Variants in MTAP observed in about 807,000 individuals in gnomAD.
MTAP encodes the protein S-methyl-5'-thioadenosine phosphorylase.
In MTAP, 33 loss-of-function variants were observed where a neutral mutation model predicts 33.6. The ratio of observed to expected loss-of-function variants is 0.98; its 90% CI spans 0.74 to 1.31. MTAP has a LOEUF of 1.31. Among genes scored for constraint, MTAP ranks in the 40% most tolerant of loss-of-function variants. The probability of loss-of-function intolerance (pLI) is 0.00; values close to 1 mark genes in which losing one functional copy is unlikely to be tolerated. For synonymous variants in MTAP, 148 were observed against 125.7 expected, an observed-to-expected ratio of 1.18 and a Z score of -1.19; for missense variants, 367 against 360.0, an observed-to-expected ratio of 1.02 and a Z score of -0.16.
At chr9:21,847,687 G>A (rs543556884) in intron 5 of MTAP, among the ~76,000 whole-genome samples, 25 of 152,310 alleles carry the variant, frequency 1.6e-4, no homozygotes, top group African/African-American at 5.8e-4. Context: ...AGTGGACAAA[G>A]TGATGAAAGA....
At chr9:21,851,871 G>A (rs1327982691) in intron 5 of MTAP, among the ~76,000 whole-genome samples, 2 of 152,162 alleles carry the variant, frequency 1.3e-5, no homozygotes, top group Non-Finnish European at 1.5e-5. Context: ...CATGCTGGAT[G>A]CTTCCTGCCC....
intron 1 of MTAP, among the ~76,000 whole-genome samples, chr9:21,806,970 C>A (rs10965141): frequency 0.34 from 51,813 of 151,906 alleles, 9,718 homozygotes; most frequent in East Asian, 0.45. Flanking sequence ...TCAAGACCAG[C>A]CTGGGCAACA....
chr9:21,923,183 T>C (rs1818816379), intron 1 of MTAP, among the ~76,000 whole-genome samples: 1 of 152,240 alleles, frequency 6.6e-6, no homozygotes, highest in African/African-American at 2.4e-5. Context: ...CCCTTGCAGA[T>C]GTCCATTGGC....
rs116127301 is a variant in MTAP at position 21,839,796 on chromosome 9, T to G, written c.450+1786T>G. Among the ~76,000 whole-genome samples, 1,402 of 152,328 alleles carry G rather than the reference T, an allele frequency of 9.2e-3. 35 individuals are homozygous for G. The highest frequency in any genetic ancestry group is 0.032 in the African/African-American group (1,315 of 41,570). Reference sequence around the variant, plus strand: ...AGTGGCAAGCAAGATACTCAGTGGTTGTACCATATTCTACCATTTATGTTA... The same window carrying G: ...AGTGGCAAGCAAGATACTCAGTGGTGGTACCATATTCTACCATTTATGTTA... On this transcript the variant is annotated intron_variant, in intron 5 of 7. Coordinates refer to ENST00000644715, the MANE Select transcript of MTAP (RefSeq NM_002451.4).
intron 4 of MTAP, among the ~76,000 whole-genome samples, chr9:21,825,073 C>T (rs1319166730): frequency 6.6e-6 from 1 of 152,152 alleles, no homozygotes; most frequent in East Asian, 1.9e-4. Flanking sequence ...CCTCACCCTG[C>T]TTTGGCTCAC....
intron 1 of MTAP, among the ~76,000 whole-genome samples, chr9:21,896,419 A>G (rs796652641): frequency 3.3e-5 from 5 of 152,302 alleles, no homozygotes; most frequent in Admixed American, 1.3e-4. Flanking sequence ...GACACCAAAA[A>G]ACCCTTCAAG....
At chr9:21,903,961 T>C (rs1818432474) in intron 1 of MTAP, among the ~76,000 whole-genome samples, 1 of 152,216 alleles carries the variant, frequency 6.6e-6, no homozygotes. Flanking sequence ...TGCCTTGATG[T>C]ACTGGAAGAA....
chr9:21,817,828 C>G (rs1824523281), intron 3 of MTAP, among the ~76,000 whole-genome samples: 1 of 152,154 alleles, frequency 6.6e-6, no homozygotes, highest in Non-Finnish European at 1.5e-5. Context: ...CTGTCTGCCA[C>G]TCTACATATT....
intron 5 of MTAP, among the ~76,000 whole-genome samples, chr9:21,846,898 A>G (rs766556312): frequency 6.6e-6 from 1 of 152,224 alleles, no homozygotes; most frequent in Non-Finnish European, 1.5e-5. Flanking sequence ...TGTGATGGTT[A>G]ATACTGAGTG....
intron 1 of MTAP, among the ~76,000 whole-genome samples, chr9:21,896,138 G>C (rs1323720654): frequency 1.3e-5 from 2 of 152,170 alleles, no homozygotes; most frequent in East Asian, 1.9e-4. Flanking sequence ...CATGGAAACT[G>C]AACAACCTGC....
At chr9:21,848,854 C>G (rs1189369395) in intron 5 of MTAP, among the ~76,000 whole-genome samples, 1 of 152,130 alleles carries the variant, frequency 6.6e-6, no homozygotes, top group Non-Finnish European at 1.5e-5. Context: ...GATTCCAAGG[C>G]AGCAGGGGCC....
intron 4 of MTAP, among the ~76,000 whole-genome samples, chr9:21,824,513 TG>T (rs1398758068): frequency 6.6e-6 from 1 of 152,182 alleles, no homozygotes; most frequent in African/African-American, 2.4e-5. Flanking sequence ...TCTGCCCTAC[TG>T]GGGGGTGCCT....
chr9:21,845,284 A>G (rs1189392002), intron 5 of MTAP, among the ~76,000 whole-genome samples: 2 of 152,202 alleles, frequency 1.3e-5, no homozygotes, highest in Non-Finnish European at 2.9e-5. Flanking sequence ...AGAAAACCCT[A>G]AAGACTCATC....
chr9:21,837,153 A>G (rs533747823), intron 4 of MTAP, among the ~76,000 whole-genome samples: 29 of 152,284 alleles, frequency 1.9e-4, no homozygotes, highest in African/African-American at 6.5e-4. Flanking sequence ...CTGTTTTGTC[A>G]GAAGACTTGA....
chr9:21,805,923 G>C (rs1458926855), intron 1 of MTAP, among the ~76,000 whole-genome samples: 2 of 152,212 alleles, frequency 1.3e-5, no homozygotes, highest in African/African-American at 2.4e-5. Flanking sequence ...TGAGGAGAGA[G>C]ATGGGGGTAG....
At chr9:21,824,241 C>T (rs1434321649) in intron 4 of MTAP, among the ~76,000 whole-genome samples, 2 of 152,028 alleles carry the variant, frequency 1.3e-5, no homozygotes, top group Non-Finnish European at 2.9e-5. Context: ...TTTTATCTAC[C>T]TTTGGTCTTT....
At chr9:21,876,788 T>C (rs985611602) in intron 1 of MTAP, among the ~76,000 whole-genome samples, 73 of 152,124 alleles carry the variant, frequency 4.8e-4, no homozygotes, top group African/African-American at 1.8e-3. Flanking sequence ...AGTTCGAAGT[T>C]GGGCAACGTG....
chr9:21,927,182 G>A (rs1269979633), intron 1 of MTAP, among the ~76,000 whole-genome samples: 3 of 152,108 alleles, frequency 2.0e-5, no homozygotes, highest in African/African-American at 4.8e-5. Flanking sequence ...TGTAGCCCTG[G>A]AAGTTCTAAC....
chr9:21,837,557 G>T (rs145079520), intron 4 of MTAP, among the ~76,000 whole-genome samples: 1 of 152,160 alleles, frequency 6.6e-6, no homozygotes, highest in Non-Finnish European at 1.5e-5. Context: ...GATTTTCCAC[G>T]TCTGTGATGA....
Sources: allele counts gnomAD v4.1 joint callset (sites outside exome capture counted in the v4.1 genomes callset), GRCh38; gene constraint gnomAD v4.1.1; transcripts MANE v1.5; gene names NCBI Gene and HGNC (gene_info 2026-07-23, HGNC 2026-07-21).